Variants in SHPRH observed in about 807,000 individuals in gnomAD.
SHPRH encodes SNF2 histone linker PHD RING helicase.
SHPRH carries 106 observed loss-of-function variants against 202.5 expected under a neutral mutation model. That is an observed-to-expected ratio of 0.52 (90% CI 0.45 to 0.62). The LOEUF is 0.62. Ranked by LOEUF, SHPRH falls within the 20% of genes least tolerant of loss-of-function variation. The pLI is 0.00. For missense variants in SHPRH, 1,710 were observed against 2,020.0 expected (o/e 0.85, Z 2.94); for synonymous variants, 729 against 686.0 (o/e 1.06, Z -0.98).
At chr6:145,903,406 G>A (rs1046159451) in intron 25 of SHPRH, 4 of 142,754 alleles carry the variant, frequency 2.8e-5, no homozygotes, top group African/African-American at 1.0e-4. Context: ...AGGCTTCTCT[G>A]TGAGTTGGAA....
downstream of SHPRH, among the ~76,000 whole-genome samples, chr6:145,880,004 C>A (rs552348191): frequency 1.3e-5 from 2 of 151,788 alleles, no homozygotes; most frequent in East Asian, 3.9e-4. Flanking sequence ...ATTCTTCACG[C>A]CTTCTCTACC....
In SHPRH at chr6:145,952,494, C is replaced by A; in HGVS notation, c.634-16G>T. The A allele has an allele frequency of 6.3e-7, 1 of 1,592,318 alleles. No homozygotes were observed. Among genetic ancestry groups the A allele is most frequent in the Non-Finnish European group, 8.5e-7 (1 of 1,170,406 alleles). On this transcript the variant is annotated splice_polypyrimidine_tract_variant and intron_variant, in intron 2 of 29. Coordinates refer to ENST00000275233, the MANE Select transcript of SHPRH (RefSeq NM_001042683.3). ...AAATTCCAACCTAAAAACAATTAATCAAAATAAAAGTAGTTTCATTTGAAA... is the reference window on the plus strand; with the variant it reads ...AAATTCCAACCTAAAAACAATTAATAAAAATAAAAGTAGTTTCATTTGAAA...
intron 7 of SHPRH, among the ~76,000 whole-genome samples, chr6:145,945,920 A>G (rs991810462): frequency 1.3e-5 from 2 of 152,242 alleles, no homozygotes; most frequent in Admixed American, 1.3e-4. Flanking sequence ...TCTCACAATT[A>G]TTTAAGTATA....
intron 16 of SHPRH, 128 bp from the exon 17 acceptor site, chr6:145,924,974 A>G (rs1447313061): frequency 3.3e-6 from 2 of 601,904 alleles, no homozygotes; most frequent in Admixed American, 6.5e-5. Context: ...TAAAAGTCCA[A>G]GTATACTGTA....
intron 10 of SHPRH, 69 bp from the exon 11 acceptor site, chr6:145,940,870 A>C: frequency 6.6e-7 from 1 of 1,521,504 alleles, no homozygotes; most frequent in Non-Finnish European, 9.0e-7. Context: ...GAAGTCAGGC[A>C]TACTCATGAA....
chr6:145,926,090 G>A, intron 16 of SHPRH, 114 bp downstream of exon 16: 3 of 985,536 alleles, frequency 3.0e-6, no homozygotes, highest in African/African-American at 3.3e-5. Context: ...CAAAGTAACA[G>A]GAAAACATGA....
chr6:145,880,695 A>C (rs1780522086), downstream of SHPRH, among the ~76,000 whole-genome samples: 1 of 151,808 alleles, frequency 6.6e-6, no homozygotes, highest in Non-Finnish European at 1.5e-5. Context: ...CATGCAAAGC[A>C]AGCCTGGCAC....
intron 2 of SHPRH, among the ~76,000 whole-genome samples, chr6:145,867,885 C>G (rs1251030198): frequency 1.3e-5 from 2 of 151,960 alleles, no homozygotes; most frequent in Non-Finnish European, 2.9e-5. Flanking sequence ...ACAACACTCA[C>G]AGGAATTAAA....
At chr6:145,915,197 AAATAAATTTT>A (rs1283498830) in intron 23 of SHPRH, among the ~76,000 whole-genome samples, 7 of 148,140 alleles carry the variant, frequency 4.7e-5, no homozygotes, top group Non-Finnish European at 1.5e-5. Flanking sequence ...AATTATAATA[AAATAAATTTT>A]AATAAATTTA....
chr6:145,921,912 T>G (rs989333674), intron 20 of SHPRH, among the ~76,000 whole-genome samples: 2 of 152,076 alleles, frequency 1.3e-5, no homozygotes, highest in Non-Finnish European at 2.9e-5. Flanking sequence ...AATAACATAT[T>G]TGATTGTGTC....
At chr6:145,919,573 A>G in intron 21 of SHPRH, 82 bp from the exon 22 acceptor site, 6 of 1,490,682 alleles carry the variant, frequency 4.0e-6, no homozygotes, top group Non-Finnish European at 5.4e-6. Flanking sequence ...CCTTAAGCAA[A>G]AGTCTTCAAT....
At chr6:145,867,721 C>A (rs1473405977) in intron 2 of SHPRH, among the ~76,000 whole-genome samples, 2 of 144,726 alleles carry the variant, frequency 1.4e-5, no homozygotes, top group African/African-American at 5.2e-5. Flanking sequence ...ACTATAACCA[C>A]AGAGGTAGTT....
chr6:145,881,498 G>A (rs1780567706), downstream of SHPRH: 1 of 152,160 alleles, frequency 6.6e-6, no homozygotes, highest in Non-Finnish European at 1.5e-5. Flanking sequence ...ACCACACTTG[G>A]AAACTGATGG....
intron 25 of SHPRH, among the ~76,000 whole-genome samples, chr6:145,899,570 C>T (rs943053030): frequency 2.6e-5 from 4 of 152,014 alleles, no homozygotes; most frequent in Non-Finnish European, 4.4e-5. Context: ...AAATATAAGA[C>T]CCAAAACTAC....
rs1781722401 is a variant in SHPRH, at chr6:145,893,248, G to A, written c.4841C>T (p.Ala1614Val). 1 of 1,588,042 alleles carries A rather than the reference G, an allele frequency of 6.3e-7. No homozygotes were observed. Among genetic ancestry groups the A allele is most frequent in the Non-Finnish European group, 8.5e-7 (1 of 1,169,980 alleles). ...PILNPAHELQAIGRVHRIGQT... is the reference protein window; with the variant it reads ...PILNPAHELQVIGRVHRIGQT... The stretch of plus-strand genomic sequence containing the variant: ...TCCAATTCGGTGCACCCTCCCTATG[G>A]CCTGAAGCTCATGGGCAGGGTTCAA... Residue 1614 changes from alanine to valine, a missense_variant, in exon 28 of 30, where the codon GCC (alanine) becomes GTC (valine). Transcript: ENST00000275233.
intron 14 of SHPRH, among the ~76,000 whole-genome samples, chr6:145,929,858 G>T (rs993390679): frequency 1.3e-5 from 2 of 152,054 alleles, no homozygotes; most frequent in Admixed American, 6.6e-5. Context: ...GTTGAAAGTG[G>T]TAAGAATCTG....
rs747719637 is a variant in SHPRH at position 145,886,766 on chromosome 6, C to T, written c.4977G>A (p.Lys1659=). 5 of 1,613,588 alleles carry T rather than the reference C, an allele frequency of 3.1e-6. No individual in the cohort carries two copies. In the South Asian group the frequency reaches 4.4e-5, roughly 14 times the overall value. The change falls in exon 30 of 30, where the codon AAG becomes AAA. Residue 1659 remains lysine, a synonymous_variant. Coordinates refer to ENST00000275233, the MANE Select transcript of SHPRH (RefSeq NM_001042683.3). ...CAGTCAAGACAGAGGCCTCTGAATG[C>T]TTTGCTGATGAGTTCGTGTGACTGC... ...AERSHTNSSA[K]HSEASVLTVA...
In SHPRH at chr6:145,927,283, G is replaced by C; in HGVS notation, c.3113-6C>G. On this transcript the variant is annotated splice_region_variant and splice_polypyrimidine_tract_variant and intron_variant, in intron 14 of 29. Transcript: ENST00000275233. The stretch of plus-strand genomic sequence containing the variant: ...TGCTGCCAAGGCATACTCACCTAAA[G>C]AATTAAAATGTATTTAAAGCATACG... 6.2e-7 allele frequency: 1 copy of C among 1,609,646 alleles called. No individual in the cohort carries two copies. Among genetic ancestry groups the C allele is most frequent in the Middle Eastern group, 1.7e-4 (1 of 6,046 alleles).
chr6:145,919,559 T>C (rs1784248295), intron 21 of SHPRH, 68 bp from the exon 22 acceptor site: 2 of 1,559,382 alleles, frequency 1.3e-6, no homozygotes, highest in Non-Finnish European at 1.7e-6. Flanking sequence ...ACCACCAAGA[T>C]GTGCCTTAAG....
Sources: allele counts gnomAD v4.1 joint callset (sites outside exome capture counted in the v4.1 genomes callset), GRCh38; gene constraint gnomAD v4.1.1; transcripts MANE v1.5; gene names NCBI Gene and HGNC (gene_info 2026-07-23, HGNC 2026-07-21).